NBAS: variants seen among roughly 807,000 people sequenced by gnomAD.
NBAS encodes NBAS subunit of NRZ tethering complex.
In NBAS, 219 loss-of-function variants were observed where a neutral mutation model predicts 302.5. That is an observed-to-expected ratio of 0.72 (90% CI 0.65 to 0.81). The LOEUF is 0.81. Ranked by LOEUF, NBAS falls within the 30% of genes least tolerant of loss-of-function variation. The pLI, the probability that NBAS is intolerant of heterozygous loss-of-function variation, is 0.00. For synonymous variants in NBAS, 1,118 were observed against 1,021.6 expected (o/e 1.09, Z -1.80); for missense variants, 2,932 against 2,841.6 (o/e 1.03, Z -0.72).
intron 31 of NBAS, 79 bp from the exon 32 acceptor site, chr2:15,366,772 T>A (rs1674229911): frequency 7.6e-7 from 1 of 1,317,690 alleles, no homozygotes. Context: ...ATGCAAGGCA[T>A]CCAAAGAAAA....
chr2:15,372,497 A>C (rs1450422605), intron 31 of NBAS, among the ~76,000 whole-genome samples: 2 of 152,196 alleles, frequency 1.3e-5, no homozygotes, highest in Non-Finnish European at 2.9e-5. Context: ...CTAAACCATA[A>C]ATTTCTAAAT....
chr2:15,010,239 G>A, the NBAS span, among the ~76,000 whole-genome samples: 3 of 151,936 alleles, frequency 2.0e-5, no homozygotes, highest in Non-Finnish European at 4.4e-5. Context: ...ATAAACCCAG[G>A]AAGCACATTT....
At position 15,540,365 on chromosome 2, in the gene NBAS, G is replaced by C. The variant is rs145831886; in HGVS notation, c.380-1009C>G. Among the ~76,000 whole-genome samples the C allele has an allele frequency of 7.2e-5, 11 of 152,026 alleles. 1 individual carries two copies. In the South Asian group the frequency reaches 1.5e-3, roughly 20 times the overall value. ...CTCCAGAAACGTATGGCCTTCTTTT[G>C]ATGCCTCTGCCACTATCCCAGCTCA... is the stretch of plus-strand genomic sequence containing the variant. On this transcript the variant is annotated intron_variant, in intron 6 of 51. Transcript: ENST00000281513.
At chr2:14,814,877 G>A in the NBAS span, among the ~76,000 whole-genome samples, 3 of 152,092 alleles carry the variant, frequency 2.0e-5, no homozygotes, top group South Asian at 2.1e-4. Flanking sequence ...CCTAGTAGGC[G>A]GTGATCAAAT....
chr2:15,377,885 G>C (rs986598053), intron 30 of NBAS, among the ~76,000 whole-genome samples: 4 of 152,152 alleles, frequency 2.6e-5, no homozygotes, highest in African/African-American at 4.8e-5. Context: ...GTGGGCAAAC[G>C]ATTGGGCTCA....
chr2:15,234,678 C>T lies in NBAS; in HGVS notation c.6013G>A (p.Ala2005Thr), dbSNP rs1422799539. 2 of 1,614,188 alleles carry T rather than the reference C, an allele frequency of 1.2e-6. No individual in the cohort carries two copies. Among genetic ancestry groups the T allele is most frequent in the Non-Finnish European group, 1.7e-6 (2 of 1,180,016 alleles). ...TGACCATCTAAACAAATAGCCACAGCTTCATCATGAAGTTTCTCTTTTTCT... is the reference window on the plus strand; with the variant it reads ...TGACCATCTAAACAAATAGCCACAGTTTCATCATGAAGTTTCTCTTTTTCT... ...RSEKEKLHDE[A>T]VAICLDGQPL... Residue 2005 changes from alanine (A) to threonine (T), a missense_variant, in exon 46 of 52, where the codon GCT (alanine) becomes ACT (threonine). Transcript: ENST00000281513.
the NBAS span, among the ~76,000 whole-genome samples, chr2:14,975,138 C>T: frequency 3.5e-4 from 54 of 152,214 alleles, no homozygotes; most frequent in East Asian, 1.9e-4. Context: ...GCAGATTTTT[C>T]CCCAGAGCCT....
At chr2:15,239,845 T>C (rs1010563910) in intron 44 of NBAS, among the ~76,000 whole-genome samples, 7 of 152,130 alleles carry the variant, frequency 4.6e-5, no homozygotes, top group African/African-American at 1.7e-4. Flanking sequence ...TATATGGGAG[T>C]TATATTTTTC....
chr2:15,098,633 T>C, the NBAS span, among the ~76,000 whole-genome samples: 1 of 124,674 alleles, frequency 8.0e-6, no homozygotes, highest in South Asian at 2.4e-4. Context: ...TATTGTATAT[T>C]ATATATTATA....
chr2:15,266,845 C>T (rs1669099820), intron 44 of NBAS, among the ~76,000 whole-genome samples: 3 of 152,152 alleles, frequency 2.0e-5, no homozygotes, highest in Admixed American at 6.5e-5. Flanking sequence ...TTTCTAGTCC[C>T]TACCTCTCTA....
the NBAS span, among the ~76,000 whole-genome samples, chr2:14,916,202 A>T: frequency 3.5e-3 from 536 of 152,240 alleles, 2 homozygotes; most frequent in Non-Finnish European, 4.9e-3. Context: ...CTCTGCTGCT[A>T]ACCTGATTTA....
the NBAS span, among the ~76,000 whole-genome samples, chr2:14,876,987 C>T: frequency 6.6e-6 from 1 of 152,240 alleles, no homozygotes; most frequent in African/African-American, 2.4e-5. Flanking sequence ...CGAAAAGCAA[C>T]TACCACTAAG....
the NBAS span, among the ~76,000 whole-genome samples, chr2:15,039,912 G>GA: frequency 2.6e-5 from 4 of 152,112 alleles, no homozygotes; most frequent in Admixed American, 1.3e-4. Context: ...CTAAATGGGG[G>GA]ACAAATTAAG....
intron 11 of NBAS, among the ~76,000 whole-genome samples, chr2:15,493,179 T>C (rs1311758480): frequency 6.6e-6 from 1 of 152,190 alleles, no homozygotes; most frequent in African/African-American, 2.4e-5. Context: ...TCTTCCGCCA[T>C]GATTGTAAAT....
the NBAS span, among the ~76,000 whole-genome samples, chr2:14,810,148 CTT>C: frequency 1.3e-5 from 2 of 152,126 alleles, no homozygotes; most frequent in African/African-American, 4.8e-5. Flanking sequence ...ACTGTGGACT[CTT>C]GAGTTAATGC....
At chr2:14,992,181 A>G in the NBAS span, among the ~76,000 whole-genome samples, 3 of 152,212 alleles carry the variant, frequency 2.0e-5, no homozygotes, top group Admixed American at 2.0e-4. Context: ...ACTGTAAATC[A>G]TTATGCAAAT....
chr2:14,905,996 G>T, the NBAS span, among the ~76,000 whole-genome samples: 1 of 152,128 alleles, frequency 6.6e-6, no homozygotes, highest in African/African-American at 2.4e-5. Flanking sequence ...TATCAAATCG[G>T]GAGCTTCCCA....
the NBAS span, among the ~76,000 whole-genome samples, chr2:14,897,996 G>T: frequency 1.5e-3 from 232 of 152,320 alleles, 1 homozygote; most frequent in African/African-American, 5.4e-3. Flanking sequence ...GAGGGTCCCA[G>T]TGTTTGTTCA....
chr2:15,557,800 C>T (rs551498211), intron 2 of NBAS, among the ~76,000 whole-genome samples: 1 of 152,264 alleles, frequency 6.6e-6, no homozygotes, highest in South Asian at 2.1e-4. Context: ...GATAAAAGGA[C>T]TCTATTAATG....
Sources: gnomAD v4.1 joint callset for allele counts (sites outside exome capture counted in the v4.1 genomes callset) on GRCh38, gnomAD v4.1.1 for gene constraint, MANE v1.5 for transcripts, NCBI Gene and HGNC (gene_info 2026-07-23, HGNC 2026-07-21) for gene names.